SEC11A: variants seen among roughly 807,000 people sequenced by gnomAD.
SEC11A encodes signal peptidase complex catalytic subunit SEC11A.
A neutral mutation model predicts 25.6 loss-of-function variants in SEC11A; 14 were observed. That is an observed-to-expected ratio of 0.55 (90% CI 0.36 to 0.85). SEC11A has a LOEUF of 0.85. Among genes scored for constraint, SEC11A ranks in the 40% least tolerant of loss-of-function variants. The pLI is 0.01. For missense variants in SEC11A, 153 were observed against 222.9 expected, an observed-to-expected ratio of 0.69 and a Z score of 2.00; for synonymous variants, 83 against 76.4, an observed-to-expected ratio of 1.09 and a Z score of -0.45.
intron 4 of SEC11A, among the ~76,000 whole-genome samples, chr15:84,674,241 C>G (rs1349576135): frequency 1.3e-5 from 2 of 150,690 alleles, no homozygotes; most frequent in African/African-American, 2.4e-5. Flanking sequence ...ATTATTTTTC[C>G]TTTTTAATGC....
chr15:84,680,923 C>A (rs66516446), intron 3 of SEC11A, 91 bp from the exon 4 acceptor site: 63,895 of 1,113,482 alleles, frequency 0.057, 2,131 homozygotes, highest in African/African-American at 0.087. Context: ...ATGTTTGTGG[C>A]ACTGGGGTAT....
Position 84,669,862 on chromosome 15 carries a change from C to A in SEC11A, c.*157G>T. On this transcript the variant is annotated 3_prime_UTR_variant, in exon 6 of 6. Transcript: ENST00000268220. ...TGTGGTGCACATGCGCCCGCCCACA[C>A]AAACTCTGGCATGGAAACATAAACT... 2 of 1,429,294 alleles carry A rather than the reference C, an allele frequency of 1.4e-6. No individual in the cohort carries two copies. Among genetic ancestry groups the A allele is most frequent in the East Asian group, 2.5e-5 (1 of 39,516 alleles). The allele number at this position is 1,429,294 out of a possible 1,614,324, so 88.5% of individuals were successfully genotyped here.
chr15:84,673,229 G>A (rs907817414), intron 4 of SEC11A: 10 of 197,220 alleles, frequency 5.1e-5, no homozygotes, highest in Non-Finnish European at 9.1e-5. Context: ...CCCTCTGCCC[G>A]GCCACCACCC....
chr15:84,680,697 T>A lies in SEC11A; in HGVS notation c.431+16A>T, dbSNP rs1207853631. On this transcript the variant is annotated intron_variant, in intron 4 of 5. Transcript: ENST00000268220. ...AAGTGATATAAAAAGTTTGAGATGC[T>A]CCCCTCTATACTTACCCCCTGGCTC... The A allele has an allele frequency of 6.4e-7, 1 of 1,573,462 alleles. No individual in the cohort carries two copies.
At chr15:84,691,776 C>T (rs928471670) in intron 1 of SEC11A, 132 bp from the exon 2 acceptor site, 11 of 535,774 alleles carry the variant, frequency 2.1e-5, no homozygotes, top group Non-Finnish European at 3.3e-5. Context: ...TTCTTTAATA[C>T]ATTATAATAA....
At chr15:84,703,834 G>A (rs1042628040) in intron 1 of SEC11A, among the ~76,000 whole-genome samples, 5 of 152,208 alleles carry the variant, frequency 3.3e-5, no homozygotes, top group Non-Finnish European at 4.4e-5. Flanking sequence ...AGATAATTGT[G>A]TGCCATATAA....
At chr15:84,670,618 G>A in intron 5 of SEC11A, 107 bp downstream of exon 5, 1 of 571,556 alleles carries the variant, frequency 1.7e-6, no homozygotes, top group Non-Finnish European at 3.1e-6. Context: ...GGGCTCAAGC[G>A]ATCCACTCAC....
chr15:84,681,599 A>C (rs1347731889), intron 3 of SEC11A, among the ~76,000 whole-genome samples: 1 of 151,986 alleles, frequency 6.6e-6, no homozygotes, highest in Non-Finnish European at 1.5e-5. Context: ...CACTGCACTC[A>C]AGCCTGGGCG....
At chr15:84,698,620 T>G (rs1897833513) in intron 1 of SEC11A, among the ~76,000 whole-genome samples, 1 of 152,234 alleles carries the variant, frequency 6.6e-6, no homozygotes, top group African/African-American at 2.4e-5. Context: ...ATAGTCTAAA[T>G]AAGCATACCA....
intron 3 of SEC11A, among the ~76,000 whole-genome samples, chr15:84,686,353 G>A (rs1383732188): frequency 6.6e-6 from 1 of 152,186 alleles, no homozygotes; most frequent in Non-Finnish European, 1.5e-5. Context: ...GCTCATGCCT[G>A]TAATCCCAGC....
At chr15:84,713,440 T>A (rs988944331) in intron 1 of SEC11A, among the ~76,000 whole-genome samples, 73 of 152,344 alleles carry the variant, frequency 4.8e-4, no homozygotes, top group Non-Finnish European at 8.7e-4. Context: ...CTACATGTAT[T>A]GTCAATTCTT....
intron 4 of SEC11A, among the ~76,000 whole-genome samples, chr15:84,676,451 CAA>C (rs71453257): frequency 2.2e-5 from 3 of 137,658 alleles, no homozygotes; most frequent in Non-Finnish European, 4.7e-5. Flanking sequence ...AACTCTGTCT[CAA>C]AAAAAAAAAA....
At chr15:84,678,333 T>G (rs758604894) in intron 4 of SEC11A, among the ~76,000 whole-genome samples, 46 of 152,292 alleles carry the variant, frequency 3.0e-4, no homozygotes, top group Admixed American at 1.6e-3. Flanking sequence ...AGCCTTAACA[T>G]ATGAGTATGC....
At chr15:84,678,742 C>T (rs533244739) in intron 4 of SEC11A, among the ~76,000 whole-genome samples, 1 of 152,214 alleles carries the variant, frequency 6.6e-6, no homozygotes, top group East Asian at 1.9e-4. Flanking sequence ...CCTGTAATCT[C>T]AGCACTTTGA....
intron 1 of SEC11A, among the ~76,000 whole-genome samples, chr15:84,700,011 G>A (rs953597707): frequency 6.6e-6 from 1 of 151,950 alleles, no homozygotes; most frequent in Non-Finnish European, 1.5e-5. Context: ...CTCACTTGTA[G>A]TGCAAAATTA....
At chr15:84,706,410 A>C (rs1898095294) in intron 1 of SEC11A, among the ~76,000 whole-genome samples, 1 of 152,142 alleles carries the variant, frequency 6.6e-6, no homozygotes, top group Non-Finnish European at 1.5e-5. Context: ...CCATGAGGGA[A>C]GCAAATATAA....
intron 1 of SEC11A, among the ~76,000 whole-genome samples, chr15:84,709,601 C>G (rs1208942216): frequency 6.6e-6 from 1 of 152,032 alleles, no homozygotes; most frequent in Admixed American, 6.6e-5. Context: ...CACCACCACA[C>G]CCCACTAATT....
intron 1 of SEC11A, among the ~76,000 whole-genome samples, chr15:84,707,098 A>G (rs528825613): frequency 6.2e-4 from 94 of 152,182 alleles, no homozygotes; most frequent in Admixed American, 1.2e-3. Flanking sequence ...GTGCTTCAGA[A>G]GAGCTGCTTA....
intron 4 of SEC11A, chr15:84,679,962 G>A (rs1434593418): frequency 2.0e-6 from 3 of 1,528,006 alleles, no homozygotes; most frequent in Non-Finnish European, 2.6e-6. Context: ...CTGTTCTCCT[G>A]ATAAAATCTG....
Sources: gnomAD v4.1 joint callset for allele counts (sites outside exome capture counted in the v4.1 genomes callset) on GRCh38, gnomAD v4.1.1 for gene constraint, MANE v1.5 for transcripts, NCBI Gene and HGNC (gene_info 2026-07-23, HGNC 2026-07-21) for gene names.